KCNQ1OT1: variants seen among roughly 807,000 people sequenced by gnomAD.
The protein encoded by KCNQ1OT1 is KCNQ1 opposite strand/antisense transcript 1.
At chr11:2,616,009 T>G (rs977944866) in exon 1 of KCNQ1OT1, 1 of 398,050 alleles carries the variant, frequency 2.5e-6, no homozygotes, top group Non-Finnish European at 4.4e-6. Flanking sequence ...ATTGGAAGGT[T>G]TTTGGTTACT....
chr11:2,615,644 G>C (rs1307590560), exon 1 of KCNQ1OT1: 2 of 397,824 alleles, frequency 5.0e-6, no homozygotes. Flanking sequence ...TGATTGCATG[G>C]ATTTTTTATC....
rs924327048 is a variant in KCNQ1OT1, at chr11:2,691,921, G to A, written n.8074C>T. The A allele has an allele frequency of 3.0e-5, 12 of 398,518 alleles. No homozygotes were observed. The highest frequency in any genetic ancestry group is 4.4e-5 in the Non-Finnish European group (10 of 226,168). 24.7% of individuals were successfully genotyped at this position (398,518 alleles called of 1,614,324 possible). A position where few individuals can be genotyped will look rare whatever the true frequency, so the allele number is the denominator to read the frequency against. On this transcript the variant is annotated non_coding_transcript_exon_variant, in exon 1 of 1. Coordinates refer to ENST00000597346, the Ensembl canonical transcript of KCNQ1OT1. The surrounding 1 kb of genome is among the most constrained non-coding windows in gnomAD (Gnocchi z 6.4). ...TCTGGCTCTATCCTCAGTCTCCTTG[G>A]CAGGTTTTCCCTTCTGGCATGGCCA...
rs1239653974 is a variant in KCNQ1OT1 at position 2,617,983 on chromosome 11, T to C, written n.82012A>G. The stretch of plus-strand genomic sequence containing the variant: ...CAAATATTTTCTTCTAGTCCATAGG[T>C]TGCCTTTTCCTTTTGTTGACTGTTT... On this transcript the variant is annotated non_coding_transcript_exon_variant, in exon 1 of 1. Transcript: ENST00000597346. This position sits in a 1 kb window ranked among gnomAD's most constrained non-coding sequence, Gnocchi z 4.6. 2 of 398,490 alleles carry C rather than the reference T, an allele frequency of 5.0e-6. No individual in the cohort carries two copies. The highest frequency in any genetic ancestry group is 8.8e-6 in the Non-Finnish European group (2 of 226,064). The allele number at this position is 398,490 out of a possible 1,614,324, so 24.7% of individuals were successfully genotyped here.
chr11:2,694,127 C>G (rs1850633792), exon 1 of KCNQ1OT1: 1 of 398,524 alleles, frequency 2.5e-6, no homozygotes, highest in Non-Finnish European at 4.4e-6. Context: ...GAAGTGCTTG[C>G]CAAACAAATT....
exon 1 of KCNQ1OT1, chr11:2,625,878 A>G: frequency 2.5e-6 from 1 of 398,392 alleles, no homozygotes; most frequent in African/African-American, 2.1e-5. Context: ...CCTTTTGCCC[A>G]TTTTTCAGGT....
chr11:2,618,275 A>G lies in KCNQ1OT1; in HGVS notation n.81720T>C. On this transcript the variant is annotated non_coding_transcript_exon_variant, in exon 1 of 1. Transcript: ENST00000597346. ...AGAACAATTGTCTTAGGCCACACAT[A>G]AAATACACTAACAATAACAACAGCT... is the stretch of plus-strand genomic sequence containing the variant. 7.5e-6 allele frequency: 3 copies of G among 398,586 alleles called. No homozygotes were observed. The East Asian group carries it at 1.1e-4, about 14-fold the overall frequency. The allele number at this position is 398,586 out of a possible 1,614,324, so 24.7% of individuals were successfully genotyped here. A position where few individuals can be genotyped will look rare whatever the true frequency, so the allele number is the denominator to read the frequency against.
rs1181124420 is a variant in KCNQ1OT1 at position 2,641,508 on chromosome 11, T to C, written n.58487A>G. ...TAATTTGTTGTTTACTATTGAGTTA[T>C]TGGAGTTCCTAGTATATTCTGGTAT... On this transcript the variant is annotated non_coding_transcript_exon_variant, in exon 1 of 1. Coordinates refer to ENST00000597346, the Ensembl canonical transcript of KCNQ1OT1. 8 of 398,514 alleles carry C rather than the reference T, an allele frequency of 2.0e-5. No homozygotes were observed. The East Asian group carries it at 2.9e-4, about 14-fold the overall frequency. 24.7% of individuals were successfully genotyped at this position (398,514 alleles called of 1,614,324 possible). A position where few individuals can be genotyped will look rare whatever the true frequency, so the allele number is the denominator to read the frequency against.
rs554373949 is a variant in KCNQ1OT1 at position 2,663,879 on chromosome 11, G to A, written n.36116C>T. On this transcript the variant is annotated non_coding_transcript_exon_variant, in exon 1 of 1. Transcript: ENST00000597346. This position sits in a 1 kb window ranked among gnomAD's most constrained non-coding sequence, Gnocchi z 5.2. ...CCAGAGGTTACCCACCTGCCCAAGG[G>A]TGACCCCAAGCCAGTGTGGCTGTGT... 1 of 398,702 alleles carries A rather than the reference G, an allele frequency of 2.5e-6. No homozygotes were observed. The highest frequency in any genetic ancestry group is 4.4e-6 in the Non-Finnish European group (1 of 226,126). The allele number at this position is 398,702 out of a possible 1,614,324, so 24.7% of individuals were successfully genotyped here.
In KCNQ1OT1 at chr11:2,653,561, G is replaced by A. The variant is rs556369240; in HGVS notation, n.46434C>T. On this transcript the variant is annotated non_coding_transcript_exon_variant, in exon 1 of 1. Transcript: ENST00000597346. The surrounding 1 kb of genome is among the most constrained non-coding windows in gnomAD (Gnocchi z 5.3). ...TCTTGCACTCCCCTTCTCCCTTCCC[G>A]TTCCCTCTTTTGTTCTCCCTTTCCC... 54 of 398,672 alleles carry A rather than the reference G, an allele frequency of 1.4e-4. No individual in the cohort carries two copies. Among genetic ancestry groups the A allele is most frequent in the East Asian group, 9.3e-4 (26 of 28,068 alleles). The allele number at this position is 398,672 out of a possible 1,614,324, so 24.7% of individuals were successfully genotyped here. A position where few individuals can be genotyped will look rare whatever the true frequency, so the allele number is the denominator to read the frequency against.
exon 1 of KCNQ1OT1, chr11:2,649,052 T>C: frequency 2.5e-6 from 1 of 397,262 alleles, no homozygotes; most frequent in Non-Finnish European, 4.4e-6. Context: ...TTGGTGTCTG[T>C]TTGTGTGGAA....
chr11:2,619,484 T>C (rs1345970079), exon 1 of KCNQ1OT1: 2 of 398,502 alleles, frequency 5.0e-6, no homozygotes, highest in Non-Finnish European at 8.8e-6. Context: ...TACATGTATA[T>C]TAAATAAGAT....
Position 2,667,095 on chromosome 11 carries a change from A to G in KCNQ1OT1, n.32900T>C, listed in dbSNP as rs113701963. 2,781 of 398,604 alleles carry G rather than the reference A, an allele frequency of 7.0e-3. 54 individuals carry two copies. The highest frequency in any genetic ancestry group is 0.041 in the African/African-American group (2,007 of 48,742). The allele number at this position is 398,604 out of a possible 1,614,324, so 24.7% of individuals were successfully genotyped here. The stretch of plus-strand genomic sequence containing the variant: ...GGGGGGATTAAATGTTCTTCTAATT[A>G]AATTAAAACCGAGGCGTAATGGCTC... On this transcript the variant is annotated non_coding_transcript_exon_variant, in exon 1 of 1. Transcript: ENST00000597346.
exon 1 of KCNQ1OT1, chr11:2,619,097 T>C (rs1302042065): frequency 5.0e-6 from 2 of 398,438 alleles, no homozygotes; most frequent in Non-Finnish European, 8.8e-6. Context: ...GGGTTTTCTA[T>C]ATGTAGGATC....
At chr11:2,650,976 C>T (rs1590005826) in exon 1 of KCNQ1OT1, 1 of 398,568 alleles carries the variant, frequency 2.5e-6, no homozygotes, top group East Asian at 3.6e-5. Flanking sequence ...ATCAGTATGT[C>T]TTATCAACTC....
Position 2,647,408 on chromosome 11 carries a change from C to G in KCNQ1OT1, n.52587G>C, listed in dbSNP as rs889537087. The G allele has an allele frequency of 7.5e-6, 3 of 398,310 alleles. No individual in the cohort carries two copies. The highest frequency in any genetic ancestry group is 6.2e-5 in the African/African-American group (3 of 48,606). The allele number at this position is 398,310 out of a possible 1,614,324, so 24.7% of individuals were successfully genotyped here. A position where few individuals can be genotyped will look rare whatever the true frequency, so the allele number is the denominator to read the frequency against. ...GTGTGTCTGTGTGTGTGTTTTGTTTCTGAGGATTCTGCATCTATGTTCATC... is the reference window on the plus strand; with the variant it reads ...GTGTGTCTGTGTGTGTGTTTTGTTTGTGAGGATTCTGCATCTATGTTCATC... On this transcript the variant is annotated non_coding_transcript_exon_variant, in exon 1 of 1. Transcript: ENST00000597346. The surrounding 1 kb of genome is among the most constrained non-coding windows in gnomAD (Gnocchi z 4.0).
chr11:2,612,808 T>G lies in KCNQ1OT1; in HGVS notation n.87187A>C, dbSNP rs1849002300. ...TTTTCTGTTTCTTTGCATATCTCAT[T>G]TTTTTTGTTAAAAACTTACTTTAGA... On this transcript the variant is annotated non_coding_transcript_exon_variant, in exon 1 of 1. Coordinates refer to ENST00000597346, the Ensembl canonical transcript of KCNQ1OT1. This position sits in a 1 kb window ranked among gnomAD's most constrained non-coding sequence, Gnocchi z 5.5. 2.5e-6 allele frequency: 1 copy of G among 398,428 alleles called. No individual in the cohort carries two copies. 24.7% of individuals were successfully genotyped at this position (398,428 alleles called of 1,614,324 possible).
At position 2,661,795 on chromosome 11, in the gene KCNQ1OT1, ACACC is replaced by A; in HGVS notation, n.38196_38199del. On this transcript the variant is annotated non_coding_transcript_exon_variant, in exon 1 of 1. Transcript: ENST00000597346. The surrounding 1 kb of genome is among the most constrained non-coding windows in gnomAD (Gnocchi z 5.9). ...GTCAGGCACTTTGGGGCCATCTTAAACACCCACCCACCCCAACACCCAACTATAA... is the reference window on the plus strand; with the variant it reads ...GTCAGGCACTTTGGGGCCATCTTAAACACCCACCCCAACACCCAACTATAA... The A allele has an allele frequency of 3.9e-6, 3 of 773,364 alleles. No individual in the cohort carries two copies. The highest frequency in any genetic ancestry group is 4.3e-6 in the Non-Finnish European group (2 of 462,132). 47.9% of individuals were successfully genotyped at this position (773,364 alleles called of 1,614,324 possible).
rs1849274710 is a variant in KCNQ1OT1 at position 2,627,175 on chromosome 11, C to CT, written n.72819dup. 1.0e-5 allele frequency: 4 copies of CT among 398,296 alleles called. No homozygotes were observed. Among genetic ancestry groups the CT allele is most frequent in the Admixed American group, 4.4e-5 (1 of 22,690 alleles). The allele number at this position is 398,296 out of a possible 1,614,324, so 24.7% of individuals were successfully genotyped here. A position where few individuals can be genotyped will look rare whatever the true frequency, so the allele number is the denominator to read the frequency against. ...GTTCCTAAGTTTGTTATTCTTGATGCTTTTTTCAGCTTTTATTGAGGTATA... is the reference window on the plus strand; with the variant it reads ...GTTCCTAAGTTTGTTATTCTTGATGCTTTTTTTCAGCTTTTATTGAGGTATA... On this transcript the variant is annotated non_coding_transcript_exon_variant, in exon 1 of 1. Coordinates refer to ENST00000597346, the Ensembl canonical transcript of KCNQ1OT1. This position sits in a 1 kb window ranked among gnomAD's most constrained non-coding sequence, Gnocchi z 4.9.
At position 2,626,596 on chromosome 11, in the gene KCNQ1OT1, A is replaced by T. The variant is rs1849265845; in HGVS notation, n.73399T>A. The T allele has an allele frequency of 2.5e-6, 1 of 398,578 alleles. No individual in the cohort carries two copies. The highest frequency in any genetic ancestry group is 4.4e-6 in the Non-Finnish European group (1 of 226,092). 24.7% of individuals were successfully genotyped at this position (398,578 alleles called of 1,614,324 possible). ...CACGCTGGAGTACAGTGGCATTATC[A>T]CTGCTTACTGCCACCTCAATCTCCC... On this transcript the variant is annotated non_coding_transcript_exon_variant, in exon 1 of 1. Coordinates refer to ENST00000597346, the Ensembl canonical transcript of KCNQ1OT1. The surrounding 1 kb of genome is among the most constrained non-coding windows in gnomAD (Gnocchi z 4.0).
Sources: allele counts gnomAD v4.1 joint callset, GRCh38; gene constraint gnomAD v4.1.1; non-coding constraint Gnocchi (gnomAD v3.1); transcripts MANE v1.5; gene names NCBI Gene and HGNC (gene_info 2026-07-23, HGNC 2026-07-21).